The following STIMATE variants were observed in gnomAD, a reference collection of about 807,000 sequenced individuals.
STIMATE encodes the protein store-operated calcium entry regulator STIMATE.
In STIMATE, 15 loss-of-function variants were observed where a neutral mutation model predicts 36.7. That is an observed-to-expected ratio of 0.41 (90% CI 0.27 to 0.63). The LOEUF (loss-of-function observed/expected upper bound fraction) is 0.63. Ranked by LOEUF, STIMATE falls within the 20% of genes least tolerant of loss-of-function variation. STIMATE has a pLI of 0.32. For synonymous variants in STIMATE, 163 were observed against 162.3 expected, an observed-to-expected ratio of 1.00 and a Z score of -0.03; for missense variants, 305 against 397.3, an observed-to-expected ratio of 0.77 and a Z score of 1.98.
chr3:52,869,163 C>T (rs1235965209), intron 1 of STIMATE, among the ~76,000 whole-genome samples: 1 of 152,152 alleles, frequency 6.6e-6, no homozygotes, highest in Non-Finnish European at 1.5e-5. Context: ...GGAGAAAAGG[C>T]GCTGGTCTGG....
At chr3:52,841,429 G>A (rs1467018548) in intron 7 of STIMATE, among the ~76,000 whole-genome samples, 1 of 152,226 alleles carries the variant, frequency 6.6e-6, no homozygotes, top group Non-Finnish European at 1.5e-5. Flanking sequence ...TAAGGCCCTG[G>A]AATGACTCAG....
In STIMATE at chr3:52,852,549, T is replaced by A. The variant is rs545192512; in HGVS notation, c.305+54A>T. 7.5e-4 allele frequency: 1,202 copies of A among 1,607,828 alleles called. 1 individual carries two copies. Among genetic ancestry groups the A allele is most frequent in the Middle Eastern group, 1.7e-3 (10 of 6,034 alleles). On this transcript the variant is annotated intron_variant, in intron 3 of 7. Transcript: ENST00000355083. The stretch of plus-strand genomic sequence containing the variant: ...CCAGCAGCAGAAAGCAAGGCCAGCC[T>A]ATATTTTCAATGGAGGGGCAGCTGA...
chr3:52,858,467 A>C (rs1454116732), intron 1 of STIMATE, among the ~76,000 whole-genome samples: 1 of 152,090 alleles, frequency 6.6e-6, no homozygotes, highest in Non-Finnish European at 1.5e-5. Context: ...TACAAAAAAC[A>C]AACAAAATAA....
intron 3 of STIMATE, 29 bp from the exon 4 acceptor site, chr3:52,849,942 C>T (rs201531654): frequency 5.2e-5 from 83 of 1,603,776 alleles, no homozygotes; most frequent in Middle Eastern, 3.3e-4. Flanking sequence ...TGCATGGTCA[C>T]GGCAGAAGCC....
At chr3:52,849,728 G>A in intron 4 of STIMATE, 64 bp downstream of exon 4, 2 of 1,550,798 alleles carry the variant, frequency 1.3e-6, no homozygotes, top group East Asian at 2.3e-5. Flanking sequence ...TGGGCCGCAT[G>A]GGGCAAGGAG....
intron 3 of STIMATE, 107 bp downstream of exon 3, chr3:52,852,496 C>A: frequency 2.2e-6 from 3 of 1,388,498 alleles, no homozygotes; most frequent in Non-Finnish European, 3.0e-6. Context: ...AAGGGGAGCA[C>A]CCTCTCCCCA....
intron 1 of STIMATE, among the ~76,000 whole-genome samples, chr3:52,860,845 GT>G (rs1701205605): frequency 6.6e-6 from 1 of 152,186 alleles, no homozygotes; most frequent in Non-Finnish European, 1.5e-5. Flanking sequence ...GTTCCACGTG[GT>G]GGCGGGGGTA....
chr3:52,852,969 A>G (rs1701034069), intron 2 of STIMATE, among the ~76,000 whole-genome samples: 1 of 152,206 alleles, frequency 6.6e-6, no homozygotes, highest in Non-Finnish European at 1.5e-5. Context: ...TAAAATGCTC[A>G]ATCGCTGCTT....
intron 1 of STIMATE, among the ~76,000 whole-genome samples, chr3:52,889,083 C>T (rs1701739354): frequency 1.3e-5 from 2 of 152,174 alleles, no homozygotes; most frequent in Non-Finnish European, 2.9e-5. Context: ...ATGAAGAGGG[C>T]ACACTAAACA....
In STIMATE at chr3:52,893,129, C is replaced by T. The variant is rs532847882; in HGVS notation, c.160+4162G>A. On this transcript the variant is annotated intron_variant, in intron 1 of 7. Transcript: ENST00000355083. ...TGACTGAAAACGTAACCAGACACAA[C>T]GTGTGGACCTTGATTGGATCTTAGC... 2.7e-4 allele frequency among the ~76,000 whole-genome samples: 41 copies of T among 151,616 alleles called. 1 individual carries two copies. The South Asian group carries it at 7.9e-3, about 29-fold the overall frequency.
chr3:52,870,699 C>G lies in STIMATE; in HGVS notation c.161-15255G>C, dbSNP rs1171445724. ...AGTGGCAGGTGCTCCTCAGGCTGGT[C>G]AAGCGAGTCTTCTTCTCCCGCCTCA... On this transcript the variant is annotated intron_variant, in intron 1 of 7. Transcript: ENST00000355083. Among the ~76,000 whole-genome samples, 4 of 152,284 alleles carry G rather than the reference C, an allele frequency of 2.6e-5. No individual in the cohort carries two copies. In the East Asian group the frequency reaches 7.7e-4, roughly 29 times the overall value.
intron 1 of STIMATE, among the ~76,000 whole-genome samples, chr3:52,865,387 C>T (rs1485574876): frequency 6.6e-6 from 1 of 152,206 alleles, no homozygotes; most frequent in African/African-American, 2.4e-5. Flanking sequence ...CAATGCCCCA[C>T]TCTACTGGTA....
rs1241521476 is a variant in STIMATE, at chr3:52,840,413, G to C, written c.*81C>G. ...AGGTAGAAAGGAAGGGCAGAGAGAG[G>C]GTAAGGAACGATGCTGCGGGATGAC... is the stretch of plus-strand genomic sequence containing the variant. On this transcript the variant is annotated 3_prime_UTR_variant, in exon 8 of 8. Coordinates refer to ENST00000355083, the MANE Select transcript of STIMATE (RefSeq NM_198563.5). The C allele has an allele frequency of 1.2e-5, 17 of 1,455,748 alleles. No individual in the cohort carries two copies. Among genetic ancestry groups the C allele is most frequent in the Middle Eastern group, 2.1e-4 (1 of 4,818 alleles). 90.2% of individuals were successfully genotyped at this position (1,455,748 alleles called of 1,614,324 possible).
intron 5 of STIMATE, among the ~76,000 whole-genome samples, chr3:52,844,296 C>T (rs1003207930): frequency 2.0e-5 from 3 of 152,240 alleles, no homozygotes; most frequent in Admixed American, 2.0e-4. Context: ...CAAGCTGAGC[C>T]ACTTGTTCTC....
At chr3:52,852,259 A>G (rs2336559) in intron 3 of STIMATE, among the ~76,000 whole-genome samples, 1 of 152,152 alleles carries the variant, frequency 6.6e-6, no homozygotes, top group Non-Finnish European at 1.5e-5. Flanking sequence ...CTGGTTCCAG[A>G]GCAGAGACAC....
At chr3:52,869,539 C>G (rs1286924870) in intron 1 of STIMATE, among the ~76,000 whole-genome samples, 1 of 152,220 alleles carries the variant, frequency 6.6e-6, no homozygotes, top group Non-Finnish European at 1.5e-5. Flanking sequence ...GAACCAAGTG[C>G]CCTCCCTTCT....
chr3:52,874,941 C>A lies in STIMATE; in HGVS notation c.161-19497G>T, dbSNP rs1361036956. Among the ~76,000 whole-genome samples, 2 of 152,184 alleles carry A rather than the reference C, an allele frequency of 1.3e-5. 1 individual carries two copies. Among genetic ancestry groups the A allele is most frequent in the African/African-American group, 4.8e-5 (2 of 41,452 alleles). On this transcript the variant is annotated intron_variant, in intron 1 of 7. Transcript: ENST00000355083. ...ATTTTGCACATTAGATAATTAAAAACCTTCCTCAAACCCAACTCATTTAGA... is the reference window on the plus strand; with the variant it reads ...ATTTTGCACATTAGATAATTAAAAAACTTCCTCAAACCCAACTCATTTAGA...
At chr3:52,847,364 C>A in intron 4 of STIMATE, 2 of 1,234,332 alleles carry the variant, frequency 1.6e-6, no homozygotes, top group East Asian at 5.7e-5. Flanking sequence ...GAGAGTTTGG[C>A]CAGGGATGGG....
Position 52,885,754 on chromosome 3 carries a change from C to T in STIMATE, c.160+11537G>A, listed in dbSNP as rs771806825. ...CCTCAGATGTGTCTTCTCAATGCAG[C>T]GAGACTGCTGGGCTTCGCTTGGGTT... On this transcript the variant is annotated intron_variant, in intron 1 of 7. Transcript: ENST00000355083. 1.1e-4 allele frequency among the ~76,000 whole-genome samples: 16 copies of T among 152,206 alleles called. 1 individual carries two copies. The highest frequency in any genetic ancestry group is 2.1e-4 in the Non-Finnish European group (14 of 68,034).
Sources: allele counts gnomAD v4.1 joint callset (sites outside exome capture counted in the v4.1 genomes callset), GRCh38; gene constraint gnomAD v4.1.1; transcripts MANE v1.5; gene names NCBI Gene and HGNC (gene_info 2026-07-23, HGNC 2026-07-21).